Variants in MITF observed in about 807,000 individuals in gnomAD.
The protein encoded by MITF is microphthalmia-associated transcription factor.
Under a neutral mutation model 60.5 loss-of-function variants are expected in MITF, and 17 were observed. That is an observed-to-expected ratio of 0.28 (90% CI 0.19 to 0.42). The LOEUF (loss-of-function observed/expected upper bound fraction) is 0.42. Among genes scored for constraint, MITF ranks in the 10% least tolerant of loss-of-function variants. The pLI is 1.00. For missense variants in MITF, 622 were observed against 683.5 expected, an observed-to-expected ratio of 0.91 and a Z score of 1.00; for synonymous variants, 260 against 248.5, an observed-to-expected ratio of 1.05 and a Z score of -0.43.
chr3:69,904,974 A>G (rs2065066771), intron 2 of MITF, among the ~76,000 whole-genome samples: 1 of 152,192 alleles, frequency 6.6e-6, no homozygotes, highest in Non-Finnish European at 1.5e-5. Context: ...TAAAAGTTTT[A>G]TTGAAGCATA....
intron 2 of MITF, among the ~76,000 whole-genome samples, chr3:69,920,614 G>A (rs1306022074): frequency 6.6e-6 from 1 of 152,110 alleles, no homozygotes; most frequent in Non-Finnish European, 1.5e-5. Flanking sequence ...GGCAGGGAAG[G>A]GCTCCCTGTC....
At chr3:69,805,874 T>C (rs533610584) in intron 1 of MITF, among the ~76,000 whole-genome samples, 10 of 152,256 alleles carry the variant, frequency 6.6e-5, no homozygotes, top group African/African-American at 2.4e-4. Flanking sequence ...TTTTCCAGAC[T>C]GGTCTCAAAC....
At chr3:69,781,076 G>C (rs957702406) in intron 1 of MITF, among the ~76,000 whole-genome samples, 6 of 143,946 alleles carry the variant, frequency 4.2e-5, no homozygotes, top group African/African-American at 1.5e-4. Context: ...AGTGAGTTTT[G>C]TTTTTTTTTT....
chr3:69,853,186 C>G (rs908719935), intron 1 of MITF, among the ~76,000 whole-genome samples: 2 of 151,882 alleles, frequency 1.3e-5, no homozygotes, highest in Non-Finnish European at 2.9e-5. Flanking sequence ...CCTAGTAGTC[C>G]AGGCCAGAGT....
intron 2 of MITF, among the ~76,000 whole-genome samples, chr3:69,930,719 C>T (rs563355765): frequency 2.6e-5 from 4 of 152,214 alleles, no homozygotes; most frequent in Non-Finnish European, 5.9e-5. Context: ...TTCCCTGGAC[C>T]GGCTGGGTCA....
chr3:69,810,868 G>C (rs2063090209), intron 1 of MITF, among the ~76,000 whole-genome samples: 1 of 152,162 alleles, frequency 6.6e-6, no homozygotes, highest in Non-Finnish European at 1.5e-5. Flanking sequence ...TTTGTAAAAT[G>C]CATGATAGAT....
At chr3:69,812,393 A>G (rs1337524209) in intron 1 of MITF, among the ~76,000 whole-genome samples, 4 of 152,202 alleles carry the variant, frequency 2.6e-5, no homozygotes, top group East Asian at 1.9e-4. Context: ...ACATTTAGAC[A>G]ATGTGAGATT....
At chr3:69,916,165 A>G (rs2065329937) in intron 2 of MITF, among the ~76,000 whole-genome samples, 1 of 152,184 alleles carries the variant, frequency 6.6e-6, no homozygotes. Context: ...CATAGATTTT[A>G]TACTTTTACA....
intron 1 of MITF, among the ~76,000 whole-genome samples, chr3:69,811,314 G>T (rs2063096609): frequency 6.6e-6 from 1 of 152,166 alleles, no homozygotes; most frequent in African/African-American, 2.4e-5. Flanking sequence ...TATGGCATTT[G>T]CTATGGATTG....
intron 2 of MITF, among the ~76,000 whole-genome samples, chr3:69,913,881 T>C (rs556983253): frequency 1.1e-3 from 162 of 152,332 alleles, no homozygotes; most frequent in African/African-American, 3.8e-3. Context: ...AGATTTGATA[T>C]AGTGCTTTTT....
At chr3:69,823,396 T>A (rs2063307273) in intron 1 of MITF, among the ~76,000 whole-genome samples, 1 of 152,190 alleles carries the variant, frequency 6.6e-6, no homozygotes, top group African/African-American at 2.4e-5. Flanking sequence ...TGATTCCTGA[T>A]AAGAAGGTCT....
chr3:69,943,780 A>G (rs2066027483), intron 5 of MITF, among the ~76,000 whole-genome samples: 1 of 152,006 alleles, frequency 6.6e-6, no homozygotes. Context: ...ATGACCCCAT[A>G]TATGCTTCTG....
chr3:69,902,554 A>C (rs1301303645), intron 2 of MITF, among the ~76,000 whole-genome samples: 1 of 152,208 alleles, frequency 6.6e-6, no homozygotes, highest in South Asian at 2.1e-4. Flanking sequence ...GTTCCTCCAC[A>C]TGAAGGGATA....
At chr3:69,775,893 A>C (rs2062465938) in intron 1 of MITF, among the ~76,000 whole-genome samples, 1 of 152,226 alleles carries the variant, frequency 6.6e-6, no homozygotes, top group Non-Finnish European at 1.5e-5. Context: ...TGTTCATATC[A>C]AAAGATGGGC....
intron 1 of MITF, among the ~76,000 whole-genome samples, chr3:69,768,536 A>C (rs1485791143): frequency 1.3e-5 from 2 of 152,210 alleles, no homozygotes; most frequent in African/African-American, 2.4e-5. Flanking sequence ...CCAAGAAGAA[A>C]AGTCTTCCAT....
intron 1 of MITF, among the ~76,000 whole-genome samples, chr3:69,811,277 G>C (rs1397547783): frequency 6.6e-6 from 1 of 152,154 alleles, no homozygotes; most frequent in African/African-American, 2.4e-5. Flanking sequence ...ATGTATCAAG[G>C]TACATAGCTT....
At chr3:69,826,889 C>T (rs1185420935) in intron 1 of MITF, among the ~76,000 whole-genome samples, 2 of 152,180 alleles carry the variant, frequency 1.3e-5, no homozygotes, top group Admixed American at 6.5e-5. Flanking sequence ...AGGGCCTGCA[C>T]ATGCTTTATC....
intron 1 of MITF, among the ~76,000 whole-genome samples, chr3:69,773,166 G>A (rs1451274384): frequency 6.6e-6 from 1 of 152,172 alleles, no homozygotes; most frequent in African/African-American, 2.4e-5. Flanking sequence ...GGAAGAGTAA[G>A]TACATAGTAT....
intron 2 of MITF, among the ~76,000 whole-genome samples, chr3:69,893,575 A>G (rs1447475429): frequency 1.3e-5 from 2 of 152,156 alleles, no homozygotes; most frequent in African/African-American, 4.8e-5. Flanking sequence ...TCAACCAGAG[A>G]CACACAGTCC....
Sources: gnomAD v4.1 joint callset for allele counts (sites outside exome capture counted in the v4.1 genomes callset) on GRCh38, gnomAD v4.1.1 for gene constraint, MANE v1.5 for transcripts, NCBI Gene and HGNC (gene_info 2026-07-23, HGNC 2026-07-21) for gene names.